The following SIGLEC12 variants were observed in gnomAD, a reference collection of about 807,000 sequenced individuals.
SIGLEC12 encodes the protein sialic acid binding Ig like lectin 12.
SIGLEC12 carries 43 observed loss-of-function variants against 54.1 expected under a neutral mutation model. That is an observed-to-expected ratio of 0.80 (90% CI 0.62 to 1.03). The LOEUF (loss-of-function observed/expected upper bound fraction) is 1.03, where lower values mean the gene tolerates loss of function less well. Ranked by LOEUF, SIGLEC12 falls within the 50% of genes least tolerant of loss-of-function variation. The pLI is 0.00. For synonymous variants in SIGLEC12, 357 were observed against 307.6 expected (o/e 1.16, Z -1.68); for missense variants, 802 against 735.2 (o/e 1.09, Z -1.05).
intron 4 of SIGLEC12, 141 bp downstream of exon 4, chr19:51,499,029 G>A: frequency 1.3e-6 from 1 of 754,732 alleles, no homozygotes; most frequent in Non-Finnish European, 2.3e-6. Flanking sequence ...AAGGTGCTCA[G>A]GTGGCCAAAA....
At chr19:51,496,750 G>A (rs1990249232) in intron 7 of SIGLEC12, 130 bp downstream of exon 7, 1 of 969,206 alleles carries the variant, frequency 1.0e-6, no homozygotes, top group South Asian at 1.5e-5. Flanking sequence ...GTTCTTAGGA[G>A]GAAAAAGTGG....
At chr19:51,497,060 TGGGGAGCTGGA>T (rs1990260990) in intron 6 of SIGLEC12, 84 bp from the exon 7 acceptor site, 1 of 1,606,598 alleles carries the variant, frequency 6.2e-7, no homozygotes, top group African/African-American at 1.3e-5. Context: ...TATTTCCTAT[TGGGGAGCTGGA>T]GGGGTAACTG....
Position 51,496,894 on chromosome 19 carries a change from C to G in SIGLEC12, c.1585G>C (p.Gly529Arg), listed in dbSNP as rs748039091. 6.2e-7 allele frequency: 1 copy of G among 1,613,960 alleles called. No homozygotes were observed. Among genetic ancestry groups the G allele is most frequent in the African/African-American group, 1.3e-5 (1 of 74,910 alleles). Residue 529 changes from glycine to arginine, a missense_variant, in exon 7 of 8, where the codon GGC becomes CGC. Transcript: ENST00000291707. ...TGCTCACTCACCTGAGAGGCTGAGC[C>G]CCTGACAGCGTTTGCGTCCTCCATG... Reference protein sequence around the residue: ...TGMEDANAVRGSASQGPLIES... With the variant: ...TGMEDANAVRRSASQGPLIES...
Position 51,498,138 on chromosome 19 carries a change from C to G in SIGLEC12, c.1285G>C (p.Gly429Arg). 6.2e-7 allele frequency: 1 copy of G among 1,614,224 alleles called. No individual in the cohort carries two copies. Among genetic ancestry groups the G allele is most frequent in the Non-Finnish European group, 8.5e-7 (1 of 1,180,048 alleles). ...TGCACTCGAGGCAGCTCCAGCACCCCAAGGTTCGAGGACTGTGAGGGGCTC... is the reference window on the plus strand; with the variant it reads ...TGCACTCGAGGCAGCTCCAGCACCCGAAGGTTCGAGGACTGTGAGGGGCTC... ...TLSPSQSSNL[G>R]VLELPRVHVK... Residue 429 changes from glycine (G) to arginine (R), a missense_variant, in exon 5 of 8, where the codon GGG (glycine) becomes CGG (arginine). Transcript: ENST00000291707.
chr19:51,494,345 A>G (rs112255619), intron 7 of SIGLEC12, among the ~76,000 whole-genome samples: 4 of 152,386 alleles, frequency 2.6e-5, no homozygotes, highest in African/African-American at 9.6e-5. Context: ...ACAAATCAAA[A>G]GAAGCATATG....
chr19:51,500,332 A>T (rs758429326), intron 1 of SIGLEC12, 32 bp from the exon 2 acceptor site: 1 of 1,613,970 alleles, frequency 6.2e-7, no homozygotes, highest in South Asian at 1.1e-5. Context: ...CCCAGCCCCC[A>T]CTGTCCCTCT....
intron 7 of SIGLEC12, 50 bp from the exon 8 acceptor site, chr19:51,491,879 G>A (rs201448162): frequency 2.8e-6 from 4 of 1,417,780 alleles, no homozygotes; most frequent in African/African-American, 2.9e-5. Flanking sequence ...GGGCCAGCAT[G>A]CACCAGAGAG....
At chr19:51,496,462 T>C (rs888755436) in intron 7 of SIGLEC12, among the ~76,000 whole-genome samples, 25 of 152,004 alleles carry the variant, frequency 1.6e-4, no homozygotes, top group African/African-American at 5.8e-4. Flanking sequence ...CAAAACTCTG[T>C]CTCAAAATAA....
chr19:51,496,816 T>C, intron 7 of SIGLEC12, 64 bp downstream of exon 7: 1 of 1,547,632 alleles, frequency 6.5e-7, no homozygotes, highest in South Asian at 1.1e-5. Flanking sequence ...GAGGAAGTAA[T>C]CCCCTTCCAT....
intron 7 of SIGLEC12, among the ~76,000 whole-genome samples, chr19:51,493,566 T>C (rs1021692434): frequency 2.6e-5 from 4 of 152,172 alleles, no homozygotes; most frequent in African/African-American, 9.7e-5. Context: ...CCAGATCTCT[T>C]TTTTTGCACA....
intron 7 of SIGLEC12, among the ~76,000 whole-genome samples, chr19:51,494,341 CA>C (rs1990174699): frequency 6.6e-6 from 1 of 152,172 alleles, no homozygotes; most frequent in Non-Finnish European, 1.5e-5. Flanking sequence ...ATATACAAAT[CA>C]AAAGAAGCAT....
intron 1 of SIGLEC12, 123 bp from the exon 2 acceptor site, chr19:51,500,423 G>A (rs765355983): frequency 2.6e-6 from 4 of 1,557,936 alleles, no homozygotes; most frequent in African/African-American, 2.7e-5. Context: ...AGAAGGGGGA[G>A]GGAGAGGAGG....
At chr19:51,495,413 G>GTAGA (rs1990216666) in intron 7 of SIGLEC12, among the ~76,000 whole-genome samples, 1 of 41,520 alleles carries the variant, frequency 2.4e-5, no homozygotes, top group Non-Finnish European at 4.9e-5. Context: ...GGGTGGGTGG[G>GTAGA]TGGATGGATG....
chr19:51,497,325 T>C, intron 6 of SIGLEC12, 24 bp downstream of exon 6: 5 of 1,602,094 alleles, frequency 3.1e-6, no homozygotes, highest in Non-Finnish European at 4.3e-6. Context: ...CCCAAGGCTC[T>C]TCCTCCCCAG....
At chr19:51,492,884 T>C (rs186740050) in intron 7 of SIGLEC12, among the ~76,000 whole-genome samples, 70 of 152,354 alleles carry the variant, frequency 4.6e-4, no homozygotes, top group African/African-American at 1.5e-3. Flanking sequence ...TCCATGTTTG[T>C]TGTTTGAAGC....
At position 51,501,616 on chromosome 19, in the gene SIGLEC12, C is replaced by T. The variant is rs1568533186; in HGVS notation, c.118G>A (p.Val40Ile). ...KSVTVQEGLC[V>I]SVLCSFSYPQ... ...TAGGAGAAGGAGCAAAGCACAGAGA[C>T]ACACAGGCCCTCCTGCACCGTCACG... The change falls in exon 1 of 8, where the codon GTC (valine) becomes ATC (isoleucine). Residue 40 changes from valine (V) to isoleucine (I), a missense_variant. Coordinates refer to ENST00000291707, the MANE Select transcript of SIGLEC12 (RefSeq NM_053003.4). 1.9e-6 allele frequency: 3 copies of T among 1,614,012 alleles called. No individual in the cohort carries two copies. The highest frequency in any genetic ancestry group is 1.7e-5 in the Admixed American group (1 of 59,994).
rs766642019 is a variant in SIGLEC12, at chr19:51,501,705, G to A, written c.29C>T (p.Pro10Leu). 1.9e-6 allele frequency: 3 copies of A among 1,611,436 alleles called. No individual in the cohort carries two copies. Among genetic ancestry groups the A allele is most frequent in the Admixed American group, 1.7e-5 (1 of 59,894 alleles). The change falls in exon 1 of 8, where the codon CCC becomes CTC. Residue 10 changes from proline to leucine, a missense_variant. Pro to Leu is a moderately conservative substitution (Grantham distance 98). Coordinates refer to ENST00000291707, the MANE Select transcript of SIGLEC12 (RefSeq NM_053003.4). MLLLLLLLP[P>L]LLCGRVGAKE... ...AGCCCCCACTCTCCCACAGAGCAGGGGTGGCAGCAGTAGCAGCAGCAGTAG... is the reference window on the plus strand; with the variant it reads ...AGCCCCCACTCTCCCACAGAGCAGGAGTGGCAGCAGTAGCAGCAGCAGTAG...
chr19:51,491,873 C>G (rs2122201121), intron 7 of SIGLEC12, 44 bp from the exon 8 acceptor site: 1 of 1,451,228 alleles, frequency 6.9e-7, no homozygotes, highest in African/African-American at 1.4e-5. Context: ...GCAGTGGGGC[C>G]AGCATGCACC....
At position 51,498,107 on chromosome 19, in the gene SIGLEC12, T is replaced by G; in HGVS notation, c.1316A>C (p.Lys439Thr). 1 of 1,614,250 alleles carries G rather than the reference T, an allele frequency of 6.2e-7. No individual in the cohort carries two copies. The highest frequency in any genetic ancestry group is 1.3e-5 in the African/African-American group (1 of 75,070). ...GVLELPRVHV[K>T]DEGEFTCRAQ... ...TCGGCAGGTGAATTCCCCTTCATCC[T>G]TCACATGCACTCGAGGCAGCTCCAG... Residue 439 changes from lysine (K) to threonine (T), a missense_variant, in exon 5 of 8, where the codon AAG (lysine) becomes ACG (threonine). Physicochemically the swap from Lys to Thr is moderately conservative, Grantham distance 78. Transcript: ENST00000291707.
Sources: gnomAD v4.1 joint callset for allele counts (sites outside exome capture counted in the v4.1 genomes callset) on GRCh38, gnomAD v4.1.1 for gene constraint, MANE v1.5 for transcripts, NCBI Gene and HGNC (gene_info 2026-07-23, HGNC 2026-07-21) for gene names.